The following SMURF2 variants were observed in gnomAD, a reference collection of about 807,000 sequenced individuals.
The protein encoded by SMURF2 is E3 ubiquitin-protein ligase SMURF2.
A neutral mutation model predicts 109.6 loss-of-function variants in SMURF2; 48 were observed. The ratio of observed to expected loss-of-function variants is 0.44; its 90% CI spans 0.35 to 0.56. The LOEUF is 0.56. SMURF2 is among the 20% of genes least tolerant of loss of function. The pLI is 0.01. For synonymous variants in SMURF2, 288 were observed against 317.1 expected (o/e 0.91, Z 0.97); for missense variants, 575 against 909.0 (o/e 0.63, Z 4.72).
intron 1 of SMURF2, among the ~76,000 whole-genome samples, chr17:64,643,939 G>A (rs534157437): frequency 6.6e-6 from 1 of 151,970 alleles, no homozygotes; most frequent in Non-Finnish European, 1.5e-5. Flanking sequence ...CGATTCTCCT[G>A]CCTCAGCCTC....
In SMURF2 at chr17:64,593,466, G is replaced by A. The variant is rs1555687847; in HGVS notation, c.308C>T (p.Ala103Val). 3.1e-6 allele frequency: 5 copies of A among 1,609,382 alleles called. No individual in the cohort carries two copies. Among genetic ancestry groups the A allele is most frequent in the East Asian group, 2.2e-5 (1 of 44,846 alleles). Residue 103 changes from alanine (A) to valine (V), a missense_variant, in exon 4 of 19, where the codon GCC (alanine) becomes GTC (valine). Transcript: ENST00000262435. Reference protein sequence around the residue: ...FLGCVRLLSNAINRLKDTGYQ... With the variant: ...FLGCVRLLSNVINRLKDTGYQ... ...ACCAGTGTCTTTGAGGCGGTTGATG[G>A]CATTGGAAAGAAGACGAACACAACC...
intron 1 of SMURF2, among the ~76,000 whole-genome samples, chr17:64,636,574 G>T (rs1490694411): frequency 1.5e-5 from 2 of 136,768 alleles, no homozygotes; most frequent in Non-Finnish European, 3.0e-5. Flanking sequence ...ACTGCACTCA[G>T]CCTGGACATC....
chr17:64,615,571 G>A (rs559294093), intron 1 of SMURF2, among the ~76,000 whole-genome samples: 1 of 152,180 alleles, frequency 6.6e-6, no homozygotes, highest in South Asian at 2.1e-4. Flanking sequence ...CCCTAAACAT[G>A]AAATGAAAAT....
intron 1 of SMURF2, among the ~76,000 whole-genome samples, chr17:64,623,983 A>G (rs1282390907): frequency 6.6e-6 from 1 of 152,258 alleles, no homozygotes; most frequent in Non-Finnish European, 1.5e-5. Flanking sequence ...ATCCATATAT[A>G]TGCAAAATAA....
At chr17:64,589,272 T>C (rs1969715055) in intron 5 of SMURF2, among the ~76,000 whole-genome samples, 1 of 152,190 alleles carries the variant, frequency 6.6e-6, no homozygotes, top group African/African-American at 2.4e-5. Context: ...TGCAAATTCA[T>C]ACCTAGTAAA....
chr17:64,556,740 T>C (rs1227744894), intron 13 of SMURF2, among the ~76,000 whole-genome samples: 3 of 152,210 alleles, frequency 2.0e-5, no homozygotes, highest in African/African-American at 7.2e-5. Flanking sequence ...TACCCTTTTA[T>C]ATATATTTGG....
At chr17:64,619,294 T>C (rs751087316) in intron 1 of SMURF2, among the ~76,000 whole-genome samples, 2 of 151,636 alleles carry the variant, frequency 1.3e-5, no homozygotes, top group Non-Finnish European at 2.9e-5. Context: ...CTGGCTAACA[T>C]GGTGAAACCC....
intron 12 of SMURF2, among the ~76,000 whole-genome samples, chr17:64,558,936 A>T (rs16947891): frequency 6.6e-6 from 1 of 152,174 alleles, no homozygotes; most frequent in African/African-American, 2.4e-5. Flanking sequence ...GAGCAAATGC[A>T]GAATAGTATT....
Position 64,598,446 on chromosome 17 carries a change from G to A in SMURF2, c.136C>T (p.Gln46Ter), listed in dbSNP as rs1555688260. Residue 46 changes from glutamine (Q) to a stop codon, truncating the protein, a stop_gained, in exon 3 of 19, where the codon CAA becomes TAA. Transcript: ENST00000262435. LOFTEE classifies it high-confidence loss of function. ...TTCACAGTATCTGTAGAATGGCATT[G>A]CCCAGATCCATCAACCACCACCTTA... ...FAKVVVDGSGQCHSTDTVKNT... is the reference protein window; with the variant it reads ...FAKVVVDGSG The A allele has an allele frequency of 6.2e-7, 1 of 1,609,736 alleles. No individual in the cohort carries two copies. Among genetic ancestry groups the A allele is most frequent in the Non-Finnish European group, 8.5e-7 (1 of 1,178,864 alleles).
chr17:64,629,535 G>C (rs1023778028), intron 1 of SMURF2, among the ~76,000 whole-genome samples: 2 of 152,148 alleles, frequency 1.3e-5, no homozygotes, highest in Non-Finnish European at 2.9e-5. Flanking sequence ...AAAAGTATCT[G>C]CTTCACACCA....
chr17:64,551,847 A>C, intron 15 of SMURF2, 143 bp from the exon 16 acceptor site: 36 of 1,022,862 alleles, frequency 3.5e-5, no homozygotes, highest in Non-Finnish European at 4.6e-5. Flanking sequence ...AATAAATCTC[A>C]GACTAATGGG....
intron 1 of SMURF2, among the ~76,000 whole-genome samples, chr17:64,641,074 ACATATTCATATAAATT>A (rs1970487615): frequency 6.6e-6 from 1 of 152,168 alleles, no homozygotes; most frequent in South Asian, 2.1e-4. Context: ...AATTAAATTC[ACATATTCATATAAATT>A]ATTTTATTCA....
chr17:64,549,260 T>TC (rs1969003433), intron 16 of SMURF2, among the ~76,000 whole-genome samples: 3 of 60,836 alleles, frequency 4.9e-5, no homozygotes, highest in Non-Finnish European at 8.1e-5. Flanking sequence ...AGACTGTGTC[T>TC]CCAAAAAAAA....
chr17:64,585,755 C>T (rs117122126), intron 6 of SMURF2, among the ~76,000 whole-genome samples: 3,337 of 152,266 alleles, frequency 0.022, 60 homozygotes, highest in East Asian at 0.072. Context: ...AGCAATGTTT[C>T]TAATTTAGCA....
chr17:64,639,405 T>A (rs1235142092), intron 1 of SMURF2, among the ~76,000 whole-genome samples: 2 of 151,898 alleles, frequency 1.3e-5, no homozygotes, highest in African/African-American at 4.8e-5. Context: ...GGGAAAACCC[T>A]GTCTCTACTA....
chr17:64,615,405 G>A (rs1970107763), intron 1 of SMURF2, among the ~76,000 whole-genome samples: 1 of 152,158 alleles, frequency 6.6e-6, no homozygotes, highest in Non-Finnish European at 1.5e-5. Context: ...TGTTATCATT[G>A]TAAAATAAAA....
At chr17:64,578,850 T>G (rs1228757731) in intron 8 of SMURF2, among the ~76,000 whole-genome samples, 2 of 152,178 alleles carry the variant, frequency 1.3e-5, no homozygotes, top group Non-Finnish European at 2.9e-5. Context: ...AAATCAAGAT[T>G]GTCACAATAC....
At chr17:64,601,150 G>A (rs561724562) in intron 2 of SMURF2, among the ~76,000 whole-genome samples, 3 of 152,046 alleles carry the variant, frequency 2.0e-5, no homozygotes, top group Non-Finnish European at 4.4e-5. Context: ...CAGCTACTCA[G>A]GAGGCTAAAA....
intron 12 of SMURF2, among the ~76,000 whole-genome samples, chr17:64,558,599 A>T (rs1969161674): frequency 6.6e-6 from 1 of 152,188 alleles, no homozygotes; most frequent in Admixed American, 6.5e-5. Context: ...TAAAAATATA[A>T]GTGGGCAAGG....
Sources: allele counts gnomAD v4.1 joint callset (sites outside exome capture counted in the v4.1 genomes callset), GRCh38; gene constraint gnomAD v4.1.1; transcripts MANE v1.5; gene names NCBI Gene and HGNC (gene_info 2026-07-23, HGNC 2026-07-21).